The following DSCAM variants were observed in gnomAD, a reference collection of about 807,000 sequenced individuals.
The protein encoded by DSCAM is cell adhesion molecule DSCAM.
Under a neutral mutation model 217.7 loss-of-function variants are expected in DSCAM, and 47 were observed. The observed-to-expected ratio is 0.22, with a 90% CI of 0.17 to 0.28. The LOEUF is 0.28. DSCAM is among the 10% of genes least tolerant of loss of function. The pLI is 1.00. For synonymous variants in DSCAM, 1,056 were observed against 1,015.3 expected (o/e 1.04, Z -0.76); for missense variants, 2,080 against 2,618.3 (o/e 0.79, Z 4.49).
At chr21:40,845,217 T>G (rs1417937710) in intron 1 of DSCAM, among the ~76,000 whole-genome samples, 1 of 152,244 alleles carries the variant, frequency 6.6e-6, no homozygotes, top group African/African-American at 2.4e-5. Flanking sequence ...AATGAAAGTT[T>G]CAAACACTTT....
At chr21:40,039,198 A>T (rs983124153) in intron 32 of DSCAM, among the ~76,000 whole-genome samples, 1 of 152,078 alleles carries the variant, frequency 6.6e-6, no homozygotes, top group East Asian at 1.9e-4. Context: ...AAGAATATGA[A>T]CTAAGAAAAA....
intron 16 of DSCAM, among the ~76,000 whole-genome samples, chr21:40,166,540 C>T (rs2090596698): frequency 6.6e-6 from 1 of 152,222 alleles, no homozygotes; most frequent in Non-Finnish European, 1.5e-5. Context: ...AGAATCAACA[C>T]TGCTTCCTTA....
At chr21:40,185,795 C>A (rs1212031968) in intron 14 of DSCAM, among the ~76,000 whole-genome samples, 1 of 152,192 alleles carries the variant, frequency 6.6e-6, no homozygotes, top group African/African-American at 2.4e-5. Flanking sequence ...GGTCCTAGTC[C>A]CCAAAAGATG....
At chr21:40,022,080 T>C (rs1028811042) in intron 32 of DSCAM, among the ~76,000 whole-genome samples, 2 of 152,222 alleles carry the variant, frequency 1.3e-5, no homozygotes, top group African/African-American at 4.8e-5. Context: ...AGAAAATGGA[T>C]GTGCATTCCA....
chr21:40,610,741 G>A (rs1195127624), intron 3 of DSCAM, among the ~76,000 whole-genome samples: 1 of 152,172 alleles, frequency 6.6e-6, no homozygotes, highest in Non-Finnish European at 1.5e-5. Context: ...GTGTTTCATG[G>A]GAGGTGAATA....
chr21:40,334,837 T>C (rs2074413867), intron 8 of DSCAM, among the ~76,000 whole-genome samples: 1 of 152,016 alleles, frequency 6.6e-6, no homozygotes, highest in Non-Finnish European at 1.5e-5. Context: ...AAAACCTTAG[T>C]CTGGCCATGT....
chr21:40,485,377 G>C (rs902837329), intron 3 of DSCAM, among the ~76,000 whole-genome samples: 1 of 151,798 alleles, frequency 6.6e-6, no homozygotes, highest in Non-Finnish European at 1.5e-5. Context: ...CGAGTAGCTG[G>C]GACTACAGGC....
Position 40,025,425 on chromosome 21 carries a change from G to A in DSCAM, c.5687-12039C>T, listed in dbSNP as rs1310972146. ...AGGATTCCCTCTTTTTCTATTGATT[G>A]GAATAGTTTCAGAAGGAATGGTACC... On this transcript the variant is annotated intron_variant, in intron 32 of 32. Coordinates refer to ENST00000400454, the MANE Select transcript of DSCAM (RefSeq NM_001389.5). Among the ~76,000 whole-genome samples, 475 of 144,668 alleles carry A rather than the reference G, an allele frequency of 3.3e-3. 5 individuals are homozygous for A. The highest frequency in any genetic ancestry group is 6.2e-3 in the Non-Finnish European group (407 of 66,002). 94.9% of individuals were successfully genotyped at this position (144,668 alleles called of 152,430 possible). A position where few individuals can be genotyped will look rare whatever the true frequency, so the allele number is the denominator to read the frequency against.
chr21:40,481,901 G>A (rs1194582260), intron 3 of DSCAM, among the ~76,000 whole-genome samples: 1 of 152,190 alleles, frequency 6.6e-6, no homozygotes, highest in Non-Finnish European at 1.5e-5. Context: ...GCAAATGAAA[G>A]GCAGAGCTAG....
chr21:40,341,719 C>T (rs2074493541), intron 6 of DSCAM, among the ~76,000 whole-genome samples: 1 of 152,166 alleles, frequency 6.6e-6, no homozygotes, highest in Non-Finnish European at 1.5e-5. Flanking sequence ...TATATATCAT[C>T]ATAATCAGAG....
At chr21:40,691,012 T>A (rs2090532358) in intron 3 of DSCAM, among the ~76,000 whole-genome samples, 1 of 152,108 alleles carries the variant, frequency 6.6e-6, no homozygotes. Flanking sequence ...GATGAAATAA[T>A]CTGTACAACA....
chr21:40,716,970 A>G (rs1014857347), intron 1 of DSCAM, among the ~76,000 whole-genome samples: 6 of 152,258 alleles, frequency 3.9e-5, no homozygotes, highest in Non-Finnish European at 8.8e-5. Flanking sequence ...TGACCTATGA[A>G]AAATGGAAAC....
chr21:40,220,271 A>G (rs1472762229), intron 11 of DSCAM, among the ~76,000 whole-genome samples: 1 of 152,096 alleles, frequency 6.6e-6, no homozygotes, highest in Non-Finnish European at 1.5e-5. Flanking sequence ...CCATGAACCA[A>G]CCTCGAGTGG....
intron 11 of DSCAM, among the ~76,000 whole-genome samples, chr21:40,194,178 GC>G (rs1157086346): frequency 6.6e-6 from 1 of 152,164 alleles, no homozygotes; most frequent in Non-Finnish European, 1.5e-5. Context: ...TTGAAAGAGT[GC>G]CCTACTAAAA....
At chr21:40,345,042 T>A (rs2074543213) in intron 6 of DSCAM, among the ~76,000 whole-genome samples, 1 of 152,204 alleles carries the variant, frequency 6.6e-6, no homozygotes, top group South Asian at 2.1e-4. Flanking sequence ...TTCTTCCTTC[T>A]CTAATCTTGT....
At chr21:40,477,559 T>A (rs1452031992) in intron 3 of DSCAM, among the ~76,000 whole-genome samples, 1 of 152,150 alleles carries the variant, frequency 6.6e-6, no homozygotes, top group African/African-American at 2.4e-5. Context: ...AACCTGCCCA[T>A]TAAAACAGCA....
intron 3 of DSCAM, among the ~76,000 whole-genome samples, chr21:40,393,676 A>G (rs1601609719): frequency 6.6e-6 from 1 of 152,318 alleles, no homozygotes; most frequent in East Asian, 1.9e-4. Context: ...ACATGTTTGC[A>G]TATATCCGTC....
At chr21:40,595,370 C>T (rs915140484) in intron 3 of DSCAM, among the ~76,000 whole-genome samples, 36 of 143,824 alleles carry the variant, frequency 2.5e-4, no homozygotes, top group African/African-American at 9.0e-4. Context: ...AAAGTGAGAT[C>T]CTGTCTCAAA....
At chr21:40,316,178 C>T (rs746440142) in intron 8 of DSCAM, among the ~76,000 whole-genome samples, 3 of 152,122 alleles carry the variant, frequency 2.0e-5, no homozygotes, top group Non-Finnish European at 4.4e-5. Context: ...AAAGTTTAGT[C>T]ATAAGGAAAA....
Sources: allele counts gnomAD v4.1 joint callset (sites outside exome capture counted in the v4.1 genomes callset), GRCh38; gene constraint gnomAD v4.1.1; transcripts MANE v1.5; gene names NCBI Gene and HGNC (gene_info 2026-07-23, HGNC 2026-07-21).